The following GPC6 variants were observed in gnomAD, a reference collection of about 807,000 sequenced individuals.
GPC6 encodes glypican-6.
In GPC6, 14 loss-of-function variants were observed where a neutral mutation model predicts 55.2. The observed-to-expected ratio is 0.25, with a 90% CI of 0.17 to 0.40. GPC6 has a LOEUF of 0.40. Ranked by LOEUF, GPC6 falls within the 10% of genes least tolerant of loss-of-function variation. GPC6 has a pLI of 1.00. For synonymous variants in GPC6, 278 were observed against 259.6 expected (o/e 1.07, Z -0.68); for missense variants, 641 against 708.5 (o/e 0.90, Z 1.08).
intron 3 of GPC6, among the ~76,000 whole-genome samples, chr13:93,918,232 G>T (rs776075787): frequency 3.3e-5 from 5 of 152,072 alleles, no homozygotes; most frequent in Admixed American, 6.6e-5. Context: ...TGTATTTTCA[G>T]CACCTAATAT....
At chr13:93,473,434 G>A (rs1269731422) in intron 1 of GPC6, among the ~76,000 whole-genome samples, 1 of 152,160 alleles carries the variant, frequency 6.6e-6, no homozygotes, top group Non-Finnish European at 1.5e-5. Flanking sequence ...CAAGATCGGA[G>A]CAGGCACTGG....
At chr13:93,877,918 A>G (rs992720356) in intron 3 of GPC6, among the ~76,000 whole-genome samples, 1 of 152,068 alleles carries the variant, frequency 6.6e-6, no homozygotes, top group African/African-American at 2.4e-5. Context: ...CTGTGATAGC[A>G]TTAACAAATA....
chr13:93,264,559 A>G (rs896290852), intron 1 of GPC6, among the ~76,000 whole-genome samples: 4 of 152,054 alleles, frequency 2.6e-5, no homozygotes, highest in Non-Finnish European at 5.9e-5. Flanking sequence ...ACAGGCACAC[A>G]CTACCACAGC....
intron 2 of GPC6, among the ~76,000 whole-genome samples, chr13:93,563,079 T>C (rs1875893280): frequency 6.6e-6 from 1 of 152,202 alleles, no homozygotes; most frequent in South Asian, 2.1e-4. Context: ...ATTATGGCTT[T>C]TTCCATTTCC....
At chr13:93,600,079 T>A (rs1200482112) in intron 2 of GPC6, among the ~76,000 whole-genome samples, 1 of 152,200 alleles carries the variant, frequency 6.6e-6, no homozygotes, top group Non-Finnish European at 1.5e-5. Flanking sequence ...AATTTTTAAA[T>A]TACGCTTTCT....
At chr13:93,737,131 G>T (rs749348788) in intron 2 of GPC6, among the ~76,000 whole-genome samples, 1 of 152,070 alleles carries the variant, frequency 6.6e-6, no homozygotes, top group Non-Finnish European at 1.5e-5. Flanking sequence ...GCTTCAGAGC[G>T]TCCTGCATGC....
intron 2 of GPC6, among the ~76,000 whole-genome samples, chr13:93,818,988 CAGTATACAAGATATACA>C (rs1029196982): frequency 1.7e-4 from 26 of 152,204 alleles, no homozygotes; most frequent in African/African-American, 6.0e-4. Flanking sequence ...CTGGGGAGAT[CAGTATACAAGATATACA>C]AGTATACAAG....
At chr13:94,339,601 AG>A (rs1877915225) in intron 6 of GPC6, among the ~76,000 whole-genome samples, 1 of 152,160 alleles carries the variant, frequency 6.6e-6, no homozygotes, top group Admixed American at 6.6e-5. Flanking sequence ...CAAGGGTGGA[AG>A]GGGGATGATC....
chr13:93,404,942 A>C (rs1178742982), intron 1 of GPC6, among the ~76,000 whole-genome samples: 1 of 152,200 alleles, frequency 6.6e-6, no homozygotes, highest in African/African-American at 2.4e-5. Flanking sequence ...GAAGATGAGA[A>C]TAGCAAGGCA....
chr13:94,399,241 G>A (rs1881024256), intron 8 of GPC6, among the ~76,000 whole-genome samples: 1 of 152,126 alleles, frequency 6.6e-6, no homozygotes, highest in Non-Finnish European at 1.5e-5. Flanking sequence ...ATCCAGCTAT[G>A]CACATACACA....
chr13:93,673,339 T>G (rs1881444982), intron 2 of GPC6, among the ~76,000 whole-genome samples: 1 of 152,170 alleles, frequency 6.6e-6, no homozygotes, highest in Non-Finnish European at 1.5e-5. Flanking sequence ...TTTTTAAACT[T>G]GAAATCACAG....
At chr13:93,345,857 T>G (rs1880411288) in intron 1 of GPC6, among the ~76,000 whole-genome samples, 1 of 152,226 alleles carries the variant, frequency 6.6e-6, no homozygotes, top group African/African-American at 2.4e-5. Context: ...AAAAGCTTAC[T>G]GTGCATTTCT....
chr13:93,510,993 A>ATATATG (rs1566396710), intron 1 of GPC6, among the ~76,000 whole-genome samples: 8 of 105,590 alleles, frequency 7.6e-5, no homozygotes, highest in African/African-American at 2.3e-4. Context: ...ATGTGTATAT[A>ATATATG]TATATATATA....
At chr13:93,379,829 T>A (rs546410915) in intron 1 of GPC6, among the ~76,000 whole-genome samples, 1 of 152,080 alleles carries the variant, frequency 6.6e-6, no homozygotes, top group Non-Finnish European at 1.5e-5. Context: ...CTGTAAAAAA[T>A]TGGTATATGG....
intron 2 of GPC6, among the ~76,000 whole-genome samples, chr13:93,822,556 C>T (rs1887088612): frequency 6.6e-6 from 1 of 152,088 alleles, no homozygotes; most frequent in Admixed American, 6.5e-5. Flanking sequence ...ATCAACCCAT[C>T]ACCTACATTA....
intron 2 of GPC6, among the ~76,000 whole-genome samples, chr13:93,729,686 T>C (rs1490164738): frequency 6.6e-6 from 1 of 152,172 alleles, no homozygotes; most frequent in African/African-American, 2.4e-5. Flanking sequence ...AAATATAGCA[T>C]AGCTTATGAT....
intron 1 of GPC6, among the ~76,000 whole-genome samples, chr13:93,505,140 C>A (rs1023117530): frequency 1.3e-5 from 2 of 152,070 alleles, no homozygotes; most frequent in Non-Finnish European, 2.9e-5. Flanking sequence ...ATATTTACAG[C>A]CATGTTATGG....
At chr13:93,925,450 G>T (rs1877808109) in intron 3 of GPC6, among the ~76,000 whole-genome samples, 1 of 152,064 alleles carries the variant, frequency 6.6e-6, no homozygotes, top group Non-Finnish European at 1.5e-5. Context: ...AATTTGAGTT[G>T]GTTATAAGAA....
At chr13:93,768,360 C>A (rs1394618015) in intron 2 of GPC6, among the ~76,000 whole-genome samples, 2 of 152,184 alleles carry the variant, frequency 1.3e-5, no homozygotes, top group Non-Finnish European at 2.9e-5. Context: ...CACAAGTTTA[C>A]CCATTCCATA....
Sources: allele counts gnomAD v4.1 joint callset (sites outside exome capture counted in the v4.1 genomes callset), GRCh38; gene constraint gnomAD v4.1.1; transcripts MANE v1.5; gene names NCBI Gene and HGNC (gene_info 2026-07-23, HGNC 2026-07-21).